Variants in PCP4 observed in about 807,000 individuals in gnomAD.
PCP4 encodes the protein Purkinje cell protein 4, also known as calmodulin regulator protein PCP4.
In PCP4, 8 loss-of-function variants were observed where a neutral mutation model predicts 10.0. That is an observed-to-expected ratio of 0.80 (90% CI 0.47 to 1.45). PCP4 has a LOEUF of 1.45. Among genes scored for constraint, PCP4 ranks in the 40% most tolerant of loss-of-function variants. PCP4 has a pLI of 0.00. For synonymous variants in PCP4, 21 were observed against 23.0 expected, an observed-to-expected ratio of 0.91 and a Z score of 0.24; for missense variants, 54 against 74.4, an observed-to-expected ratio of 0.73 and a Z score of 1.01.
At chr21:39,867,623 C>T (rs1006937195) in intron 1 of PCP4, 113 bp downstream of exon 1, 15 of 1,001,444 alleles carry the variant, frequency 1.5e-5, no homozygotes, top group Non-Finnish European at 2.2e-5. Context: ...ACAAATTAAT[C>T]CTGTAATTAT....
intron 2 of PCP4, among the ~76,000 whole-genome samples, chr21:39,911,599 A>G (rs557076737): frequency 1.1e-4 from 17 of 152,250 alleles, no homozygotes; most frequent in South Asian, 2.1e-4. Flanking sequence ...GGCCTCGTCA[A>G]CGTGACCTGG....
At chr21:39,913,245 A>AT (rs67856741) in intron 2 of PCP4, among the ~76,000 whole-genome samples, 140,328 of 152,176 alleles carry the variant, frequency 0.92, 64,897 homozygotes, top group African/African-American at 0.98. Flanking sequence ...AGATAGTGTC[A>AT]TTTTAAAAAA....
At chr21:39,873,535 C>T (rs553225184) in intron 1 of PCP4, among the ~76,000 whole-genome samples, 18 of 151,832 alleles carry the variant, frequency 1.2e-4, no homozygotes, top group Non-Finnish European at 1.5e-4. Context: ...TTGGGGAGTT[C>T]GAAACTGAAT....
In PCP4 at chr21:39,929,254, C is replaced by A; in HGVS notation, c.*143C>A. 1 of 678,576 alleles carries A rather than the reference C, an allele frequency of 1.5e-6. No homozygotes were observed. Among genetic ancestry groups the A allele is most frequent in the African/African-American group, 1.8e-5 (1 of 54,952 alleles). The allele number at this position is 678,576 out of a possible 1,614,324, so 42.0% of individuals were successfully genotyped here. ...CAAACCTCCAATGCATGTACAGAAA[C>A]CTGTGATATTTATACCCTTGTAGGA... On this transcript the variant is annotated 3_prime_UTR_variant, in exon 3 of 3. Transcript: ENST00000328619.
intron 2 of PCP4, among the ~76,000 whole-genome samples, chr21:39,907,739 G>C (rs2087519399): frequency 6.6e-6 from 1 of 152,112 alleles, no homozygotes; most frequent in South Asian, 2.1e-4. Flanking sequence ...GGAGATTGAG[G>C]TGAGCAGACA....
chr21:39,882,130 T>C (rs1412750967), intron 1 of PCP4, among the ~76,000 whole-genome samples: 2 of 152,246 alleles, frequency 1.3e-5, no homozygotes, highest in African/African-American at 2.4e-5. Flanking sequence ...GAAAACATCT[T>C]TGCCGAACTT....
At chr21:39,872,947 C>T (rs2087327542) in intron 1 of PCP4, among the ~76,000 whole-genome samples, 1 of 151,948 alleles carries the variant, frequency 6.6e-6, no homozygotes. Flanking sequence ...GCTCTCATGA[C>T]AGTAAAAGAA....
At chr21:39,870,911 G>C (rs1043828982) in intron 1 of PCP4, among the ~76,000 whole-genome samples, 1 of 152,176 alleles carries the variant, frequency 6.6e-6, no homozygotes, top group Non-Finnish European at 1.5e-5. Flanking sequence ...TCTTTCTTTC[G>C]TCTAGACATT....
At chr21:39,899,344 C>T (rs2087472291) in intron 2 of PCP4, among the ~76,000 whole-genome samples, 1 of 152,200 alleles carries the variant, frequency 6.6e-6, no homozygotes, top group South Asian at 2.1e-4. Context: ...GATGAACTCT[C>T]CTTTTATGGA....
chr21:39,880,134 C>CTATATCTA (rs1555846872), intron 1 of PCP4, among the ~76,000 whole-genome samples: 2 of 64,012 alleles, frequency 3.1e-5, no homozygotes, highest in Non-Finnish European at 6.0e-5. Context: ...ATATCTGTAT[C>CTATATCTA]TATATCTATA....
At position 39,903,887 on chromosome 21, in the gene PCP4, A is replaced by AAC. The variant is rs1480443473; in HGVS notation, c.61+5361_61+5362insCA. On this transcript the variant is annotated intron_variant, in intron 2 of 2. Coordinates refer to ENST00000328619, the MANE Select transcript of PCP4 (RefSeq NM_006198.3). ...CGTCTCAAAAAAAACAAAAAAAAAA[A>AAC]AAAAAAAAAGACTTAGTTTGATTTG... 4.0e-5 allele frequency among the ~76,000 whole-genome samples: 6 copies of AAC among 151,638 alleles called. 1 individual carries two copies. Among genetic ancestry groups the AAC allele is most frequent in the African/African-American group, 1.2e-4 (5 of 41,374 alleles).
intron 2 of PCP4, among the ~76,000 whole-genome samples, chr21:39,921,794 G>A (rs2087597893): frequency 6.6e-6 from 1 of 152,168 alleles, no homozygotes; most frequent in Non-Finnish European, 1.5e-5. Context: ...AGAACTGTGG[G>A]AAAATAAATT....
intron 2 of PCP4, among the ~76,000 whole-genome samples, chr21:39,927,311 T>TATCTATCTATCTATCC (rs1568863742): frequency 1.4e-4 from 16 of 117,398 alleles, no homozygotes; most frequent in African/African-American, 4.7e-4. Flanking sequence ...TCTATCTATC[T>TATCTATCTATCTATCC]ATCTATCTAT....
At chr21:39,907,183 A>T (rs112602509) in intron 2 of PCP4, among the ~76,000 whole-genome samples, 141 of 152,250 alleles carry the variant, frequency 9.3e-4, no homozygotes, top group African/African-American at 3.3e-3. Flanking sequence ...AATTGTCCTC[A>T]AAGAGTAGAT....
chr21:39,889,023 G>A (rs1421201165), intron 1 of PCP4, among the ~76,000 whole-genome samples: 1 of 152,198 alleles, frequency 6.6e-6, no homozygotes, highest in East Asian at 1.9e-4. Flanking sequence ...AGCAAGACTG[G>A]GAGGAGCCCA....
At chr21:39,882,898 T>C (rs1158150475) in intron 1 of PCP4, among the ~76,000 whole-genome samples, 1 of 152,242 alleles carries the variant, frequency 6.6e-6, no homozygotes, top group Non-Finnish European at 1.5e-5. Context: ...TATTCTTCTC[T>C]GTACTGCTTC....
At chr21:39,903,392 A>C (rs961525901) in intron 2 of PCP4, among the ~76,000 whole-genome samples, 1 of 148,454 alleles carries the variant, frequency 6.7e-6, no homozygotes, top group African/African-American at 2.5e-5. Context: ...GGTAAATGCT[A>C]CAGAGGAAAG....
chr21:39,914,253 C>G (rs2087557145), intron 2 of PCP4, among the ~76,000 whole-genome samples: 1 of 152,142 alleles, frequency 6.6e-6, no homozygotes, highest in South Asian at 2.1e-4. Flanking sequence ...GGAACACACT[C>G]CATTTGCCTT....
At chr21:39,922,772 T>C (rs1480332661) in intron 2 of PCP4, among the ~76,000 whole-genome samples, 1 of 152,190 alleles carries the variant, frequency 6.6e-6, no homozygotes, top group South Asian at 2.1e-4. Flanking sequence ...AGCTAGATAA[T>C]GTAGCAGTTC....
Sources: allele counts gnomAD v4.1 joint callset (sites outside exome capture counted in the v4.1 genomes callset), GRCh38; gene constraint gnomAD v4.1.1; transcripts MANE v1.5; gene names NCBI Gene and HGNC (gene_info 2026-07-23, HGNC 2026-07-21).